The following BNIP2 variants were observed in gnomAD, a reference collection of about 807,000 sequenced individuals.
The protein encoded by BNIP2 is BCL2/adenovirus E1B 19 kDa protein-interacting protein 2.
In BNIP2, 36 loss-of-function variants were observed where a neutral mutation model predicts 43.4. The ratio of observed to expected loss-of-function variants is 0.83; its 90% CI spans 0.64 to 1.10. BNIP2 has a LOEUF of 1.10. BNIP2 is among the 50% of genes least tolerant of loss of function. The pLI is 0.00. For missense variants in BNIP2, 417 were observed against 374.1 expected (o/e 1.11, Z -0.95); for synonymous variants, 146 against 121.0 (o/e 1.21, Z -1.35).
intron 1 of BNIP2, among the ~76,000 whole-genome samples, chr15:59,683,227 C>T (rs201268007): frequency 0.014 from 1 of 72 alleles, no homozygotes. Context: ...TCACGTGAGT[C>T]CAATATCCTC....
Position 59,668,922 on chromosome 15 carries a change from T to C in BNIP2, c.863A>G (p.Glu288Gly), listed in dbSNP as rs376138059. ...TATGCATTCTGGTATGCCAACGTAT[T>C]CCATGGGGACAAGTTCTGCTAGTTC... ...LAELAELVPMEYVGIPECIKQ... is the reference protein window; with the variant it reads ...LAELAELVPMGYVGIPECIKQ... Residue 288 changes from glutamate (E) to glycine (G), a missense_variant, in exon 9 of 10, where the codon GAA becomes GGA. Glu to Gly is a moderately conservative substitution (Grantham distance 98). Coordinates refer to ENST00000607373, the MANE Select transcript of BNIP2 (RefSeq NM_004330.4). 3.8e-5 allele frequency: 62 copies of C among 1,613,694 alleles called. No individual in the cohort carries two copies. Among genetic ancestry groups the C allele is most frequent in the Non-Finnish European group, 4.8e-5 (57 of 1,179,796 alleles).
In BNIP2 at chr15:59,663,356, T is replaced by C. The variant is rs1047197487; in HGVS notation, c.*713A>G. ...CTAATTCCTACCCTCTTAAATCCTCTAGTTCTAAGAATGGCTTTTTGACTT... is the reference window on the plus strand; with the variant it reads ...CTAATTCCTACCCTCTTAAATCCTCCAGTTCTAAGAATGGCTTTTTGACTT... On this transcript the variant is annotated 3_prime_UTR_variant, in exon 10 of 10. Transcript: ENST00000607373. The C allele has an allele frequency of 6.6e-6, 1 of 152,316 alleles. No individual in the cohort carries two copies. Among genetic ancestry groups the C allele is most frequent in the Non-Finnish European group, 1.5e-5 (1 of 68,028 alleles). The allele number at this position is 152,316 out of a possible 1,614,324, so 9.4% of individuals were successfully genotyped here.
intron 3 of BNIP2, 24 bp downstream of exon 3, chr15:59,680,217 T>C (rs780304938): frequency 5.4e-6 from 8 of 1,486,230 alleles, no homozygotes; most frequent in Non-Finnish European, 6.3e-6. Flanking sequence ...ATAATTTCAA[T>C]GAAAGTAAGT....
intron 3 of BNIP2, 70 bp downstream of exon 3, chr15:59,680,171 A>C: frequency 3.6e-6 from 4 of 1,122,364 alleles, no homozygotes; most frequent in Non-Finnish European, 4.8e-6. Context: ...TTTTTTTTGG[A>C]CAAAGAAACG....
intron 4 of BNIP2, chr15:59,679,225 T>C (rs1893497390): frequency 5.4e-6 from 1 of 185,108 alleles, no homozygotes. Flanking sequence ...AGTAGAGCAA[T>C]GTCAGGCAAA....
At position 59,689,159 on chromosome 15, in the gene BNIP2, G is replaced by A. The variant is rs1311395401; in HGVS notation, c.-82C>T. On this transcript the variant is annotated 5_prime_UTR_variant, in exon 1 of 10. It adds an upstream start codon to the 5' untranslated region. Coordinates refer to ENST00000607373, the MANE Select transcript of BNIP2 (RefSeq NM_004330.4). ...CCCCGGAGGAAGCCTTGGCCCCCTC[G>A]TCCTCTTCGCCCCTCCAGGCCGGCG... is the stretch of plus-strand genomic sequence containing the variant. 2.0e-6 allele frequency: 3 copies of A among 1,537,886 alleles called. No individual in the cohort carries two copies.
intron 9 of BNIP2, chr15:59,668,249 T>C (rs1892683875): frequency 3.8e-6 from 2 of 532,572 alleles, no homozygotes; most frequent in Admixed American, 3.5e-5. Context: ...AAACCAAAAA[T>C]ATTTACTACA....
At position 59,671,236 on chromosome 15, in the gene BNIP2, T is replaced by C; in HGVS notation, c.654A>G (p.Arg218=). 3 of 1,602,156 alleles carry C rather than the reference T, an allele frequency of 1.9e-6. No individual in the cohort carries two copies. Among genetic ancestry groups the C allele is most frequent in the Non-Finnish European group, 2.6e-6 (3 of 1,173,500 alleles). Reference sequence around the variant, plus strand: ...TGAGCCATCCCAGACTGGGCATTTTTCTTCGAGTTGTTGCACCATTTAAAT... The same window carrying C: ...TGAGCCATCCCAGACTGGGCATTTTCCTTCGAGTTGTTGCACCATTTAAAT... ...IVYLNGATTR[R]KMPSLGWLRK... The change falls in exon 7 of 10, where the codon AGA becomes AGG. Residue 218 remains arginine, a synonymous_variant. Transcript: ENST00000607373.
chr15:59,666,579 A>G (rs1306226490), intron 9 of BNIP2, among the ~76,000 whole-genome samples: 1 of 152,166 alleles, frequency 6.6e-6, no homozygotes, highest in Non-Finnish European at 1.5e-5. Context: ...AGGCAGCAGA[A>G]TCGCTTGAAC....
At position 59,674,965 on chromosome 15, in the gene BNIP2, T is replaced by C. The variant is rs147460034; in HGVS notation, c.473-2226A>G. Among the ~76,000 whole-genome samples the C allele has an allele frequency of 3.9e-4, 60 of 152,268 alleles. No individual in the cohort carries two copies. In the East Asian group the frequency reaches 7.0e-3, roughly 18 times the overall value. ...GAACTAGTTCTCTATTAAAAAATAA[T>C]TTGGCCTGGGCACTGTGGCTCATGC... On this transcript the variant is annotated intron_variant, in intron 5 of 9. Coordinates refer to ENST00000607373, the MANE Select transcript of BNIP2 (RefSeq NM_004330.4).
intron 3 of BNIP2, among the ~76,000 whole-genome samples, 175 bp downstream of exon 3, chr15:59,680,066 T>C (rs1213384756): frequency 6.6e-6 from 1 of 152,154 alleles, no homozygotes; most frequent in Non-Finnish European, 1.5e-5. Flanking sequence ...CAAGTGTATG[T>C]TTTTGGAATT....
intron 2 of BNIP2, 41 bp downstream of exon 2, chr15:59,682,367 C>A: frequency 6.5e-7 from 1 of 1,534,764 alleles, no homozygotes. Flanking sequence ...AAATTTTGAA[C>A]TTTTGCTCTA....
At chr15:59,675,583 G>A (rs1301842523) in intron 5 of BNIP2, among the ~76,000 whole-genome samples, 1 of 152,098 alleles carries the variant, frequency 6.6e-6, no homozygotes, top group Non-Finnish European at 1.5e-5. Flanking sequence ...CTCCAGCCTG[G>A]GTGACAGAGC....
At chr15:59,670,834 G>T (rs1240400130) in intron 7 of BNIP2, among the ~76,000 whole-genome samples, 1 of 152,200 alleles carries the variant, frequency 6.6e-6, no homozygotes, top group Non-Finnish European at 1.5e-5. Flanking sequence ...AGCACTTCAG[G>T]AGGCCGAGGC....
intron 5 of BNIP2, among the ~76,000 whole-genome samples, chr15:59,675,385 C>G (rs1893213325): frequency 6.6e-6 from 1 of 151,954 alleles, no homozygotes; most frequent in African/African-American, 2.4e-5. Context: ...CTGGGGTGAG[C>G]AAATCACGAG....
Position 59,669,335 on chromosome 15 carries a change from G to A in BNIP2, c.735C>T (p.Ile245=). The A allele has an allele frequency of 6.5e-7, 1 of 1,537,056 alleles. No individual in the cohort carries two copies. Residue 245 remains isoleucine, a synonymous_variant, in exon 8 of 10, where the codon ATC becomes ATT. Coordinates refer to ENST00000607373, the MANE Select transcript of BNIP2 (RefSeq NM_004330.4). ...RRLRKNLKSL[I]IVHPSWFIRT... ...TGATAAACCAAGAAGGATGTACAAT[G>A]ATTAGGGATTTTAGATTTTTCCGTA...
intron 9 of BNIP2, chr15:59,667,984 A>G (rs1038706741): frequency 8.8e-6 from 5 of 570,478 alleles, no homozygotes; most frequent in African/African-American, 2.0e-5. Context: ...AAGTTGGGGT[A>G]CATTTATATT....
chr15:59,673,724 A>G (rs1301262469), intron 5 of BNIP2, among the ~76,000 whole-genome samples: 3 of 152,224 alleles, frequency 2.0e-5, no homozygotes, highest in African/African-American at 7.2e-5. Context: ...CGCCAGAGCC[A>G]TAAGTGGGTG....
intron 1 of BNIP2, among the ~76,000 whole-genome samples, chr15:59,683,417 T>C (rs1014806979): frequency 7.2e-5 from 11 of 152,254 alleles, no homozygotes; most frequent in African/African-American, 2.4e-4. Flanking sequence ...TCTAAAGTTA[T>C]TCAACAAACA....
Sources: allele counts gnomAD v4.1 joint callset (sites outside exome capture counted in the v4.1 genomes callset), GRCh38; gene constraint gnomAD v4.1.1; transcripts MANE v1.5; gene names NCBI Gene and HGNC (gene_info 2026-07-23, HGNC 2026-07-21).